Variants in MLEC observed in about 807,000 individuals in gnomAD.
The protein encoded by MLEC is malectin, also known as oligosaccharyltransferase complex subunit (non-catalytic).
MLEC carries 7 observed loss-of-function variants against 28.7 expected under a neutral mutation model. That is an observed-to-expected ratio of 0.24 (90% CI 0.14 to 0.46). MLEC has a LOEUF of 0.46. Among genes scored for constraint, MLEC ranks in the 20% least tolerant of loss-of-function variants. The probability of loss-of-function intolerance (pLI) is 0.99; values close to 1 mark genes in which losing one functional copy is unlikely to be tolerated. For synonymous variants in MLEC, 142 were observed against 164.4 expected, an observed-to-expected ratio of 0.86 and a Z score of 1.04; for missense variants, 237 against 391.1, an observed-to-expected ratio of 0.61 and a Z score of 3.32.
At chr12:120,688,088 C>T (rs538729780) in intron 1 of MLEC, among the ~76,000 whole-genome samples, 3 of 152,300 alleles carry the variant, frequency 2.0e-5, no homozygotes, top group Non-Finnish European at 1.5e-5. Context: ...CGGCAGGCCG[C>T]CCCCAGAGGG....
intron 1 of MLEC, among the ~76,000 whole-genome samples, chr12:120,688,136 G>A (rs1881898542): frequency 6.6e-6 from 1 of 152,228 alleles, no homozygotes; most frequent in African/African-American, 2.4e-5. Flanking sequence ...GAGGCTGGTG[G>A]CTGTGTGTGA....
Position 120,699,820 on chromosome 12 carries a change from A to G in MLEC, c.*3275A>G, listed in dbSNP as rs1223933461. 2 of 152,606 alleles carry G rather than the reference A, an allele frequency of 1.3e-5. No homozygotes were observed. Among genetic ancestry groups the G allele is most frequent in the Non-Finnish European group, 2.9e-5 (2 of 68,048 alleles). The allele number at this position is 152,606 out of a possible 1,614,324, so 9.5% of individuals were successfully genotyped here. ...AGCTACTGGGATCACGTTAGCGGGCATTTAGGCTTTGATGAGAGGGCACAG... is the reference window on the plus strand; with the variant it reads ...AGCTACTGGGATCACGTTAGCGGGCGTTTAGGCTTTGATGAGAGGGCACAG... On this transcript the variant is annotated 3_prime_UTR_variant, in exon 5 of 5. Transcript: ENST00000228506.
rs1335586866 is a variant in MLEC, at chr12:120,698,521, TG to T, written c.*1980del. The T allele has an allele frequency of 6.6e-6, 1 of 152,232 alleles. No individual in the cohort carries two copies. Among genetic ancestry groups the T allele is most frequent in the Non-Finnish European group, 1.5e-5 (1 of 68,058 alleles). The allele number at this position is 152,232 out of a possible 1,614,324, so 9.4% of individuals were successfully genotyped here. On this transcript the variant is annotated 3_prime_UTR_variant, in exon 5 of 5. Transcript: ENST00000228506. ...GCCTTGGTCCTGGGGACCACCTGCCTGGGGCAGTGGACATCCTAACTAAACA... is the reference window on the plus strand; with the variant it reads ...GCCTTGGTCCTGGGGACCACCTGCCTGGGCAGTGGACATCCTAACTAAACA...
rs980596094 is a variant in MLEC, at chr12:120,699,607, C to T, written c.*3062C>T. 1 of 152,210 alleles carries T rather than the reference C, an allele frequency of 6.6e-6. No individual in the cohort carries two copies. The highest frequency in any genetic ancestry group is 6.5e-5 in the Admixed American group (1 of 15,288). The allele number at this position is 152,210 out of a possible 1,614,324, so 9.4% of individuals were successfully genotyped here. ...TGGGATTTGTGTCCCTTAAACCAGA[C>T]TCACTTTTCTGAAAAATCTCCATTG... On this transcript the variant is annotated 3_prime_UTR_variant, in exon 5 of 5. Coordinates refer to ENST00000228506, the MANE Select transcript of MLEC (RefSeq NM_014730.4).
At chr12:120,691,825 C>T (rs747953773) in intron 1 of MLEC, among the ~76,000 whole-genome samples, 34 of 151,938 alleles carry the variant, frequency 2.2e-4, no homozygotes, top group African/African-American at 3.4e-4. Context: ...CCGCAGATTA[C>T]GTTACTGTCA....
intron 4 of MLEC, among the ~76,000 whole-genome samples, chr12:120,695,625 G>A (rs1566014440): frequency 6.6e-6 from 1 of 152,176 alleles, no homozygotes; most frequent in Non-Finnish European, 1.5e-5. Flanking sequence ...CTTATCCTTG[G>A]GATCAAGTCT....
Position 120,696,762 on chromosome 12 carries a change from G to A in MLEC, c.*217G>A. 6 of 637,002 alleles carry A rather than the reference G, an allele frequency of 9.4e-6. No homozygotes were observed. Among genetic ancestry groups the A allele is most frequent in the Non-Finnish European group, 1.6e-5 (6 of 380,062 alleles). 39.5% of individuals were successfully genotyped at this position (637,002 alleles called of 1,614,324 possible). Reference sequence around the variant, plus strand: ...GCTTCAGTCCTCGTCCTCTCTTTGTGGCTGGCTCCCAGCCTTCTCTTTCCT... The same window carrying A: ...GCTTCAGTCCTCGTCCTCTCTTTGTAGCTGGCTCCCAGCCTTCTCTTTCCT... On this transcript the variant is annotated 3_prime_UTR_variant, in exon 5 of 5. Coordinates refer to ENST00000228506, the MANE Select transcript of MLEC (RefSeq NM_014730.4). This position sits in a 1 kb window ranked among gnomAD's most constrained non-coding sequence, Gnocchi z 5.4.
rs1190309482 is a variant in MLEC at position 120,696,569 on chromosome 12, G to C, written c.*24G>C. 6.2e-7 allele frequency: 1 copy of C among 1,608,464 alleles called. No homozygotes were observed. Among genetic ancestry groups the C allele is most frequent in the Admixed American group, 1.7e-5 (1 of 59,162 alleles). On this transcript the variant is annotated 3_prime_UTR_variant, in exon 5 of 5. Transcript: ENST00000228506. The surrounding 1 kb of genome is among the most constrained non-coding windows in gnomAD (Gnocchi z 5.4). ...GAGAACAAATGACTATCCTGAACAG[G>C]GTGGAGGGGTGTGGGAAAGAAACCA...
intron 1 of MLEC, among the ~76,000 whole-genome samples, chr12:120,692,938 C>T (rs528809750): frequency 4.6e-5 from 7 of 152,090 alleles, no homozygotes; most frequent in African/African-American, 7.2e-5. Context: ...AAAAAAGATT[C>T]GGCCTGGCGC....
chr12:120,700,448 CTT>C lies in MLEC; in HGVS notation c.*3913_*3914del, dbSNP rs572243451. 2 of 147,254 alleles carry C rather than the reference CTT, an allele frequency of 1.4e-5. No homozygotes were observed. The highest frequency in any genetic ancestry group is 2.5e-5 in the African/African-American group (1 of 40,192). 9.1% of individuals were successfully genotyped at this position (147,254 alleles called of 1,614,324 possible). The stretch of plus-strand genomic sequence containing the variant: ...CAAAGTGAGAGACGAATCTTTCTTT[CTT>C]TTTTTTTTTAAAGGGCAGGATGGGT... On this transcript the variant is annotated 3_prime_UTR_variant, in exon 5 of 5. Transcript: ENST00000228506. The surrounding 1 kb of genome is among the most constrained non-coding windows in gnomAD (Gnocchi z 4.0).
rs992091809 is a variant in MLEC, at chr12:120,697,857, C to T, written c.*1312C>T. On this transcript the variant is annotated 3_prime_UTR_variant, in exon 5 of 5. Coordinates refer to ENST00000228506, the MANE Select transcript of MLEC (RefSeq NM_014730.4). The surrounding 1 kb of genome is among the most constrained non-coding windows in gnomAD (Gnocchi z 4.8). ...TCTTAATAGTATGCCCCTCCTTCCC[C>T]TGTCCTTTCATTTCTCTATCCAAGT... 1 of 152,220 alleles carries T rather than the reference C, an allele frequency of 6.6e-6. No homozygotes were observed. The highest frequency in any genetic ancestry group is 1.5e-5 in the Non-Finnish European group (1 of 68,066). The allele number at this position is 152,220 out of a possible 1,614,324, so 9.4% of individuals were successfully genotyped here.
At chr12:120,691,584 G>A (rs1882039038) in intron 1 of MLEC, among the ~76,000 whole-genome samples, 1 of 152,210 alleles carries the variant, frequency 6.6e-6, no homozygotes, top group African/African-American at 2.4e-5. Context: ...ACACTTCATT[G>A]TATTTTAGAG....
At chr12:120,692,507 G>A (rs956838335) in intron 1 of MLEC, among the ~76,000 whole-genome samples, 4 of 152,072 alleles carry the variant, frequency 2.6e-5, no homozygotes, top group Admixed American at 6.6e-5. Context: ...TGTCTCATCA[G>A]TCCCTCTGAT....
At chr12:120,695,342 A>T (rs930379076) in intron 4 of MLEC, among the ~76,000 whole-genome samples, 190 bp downstream of exon 4, 1 of 152,232 alleles carries the variant, frequency 6.6e-6, no homozygotes, top group African/African-American at 2.4e-5. Flanking sequence ...AGGTCTATGT[A>T]TATCTTGTTG....
chr12:120,690,422 A>G (rs1028130302), intron 1 of MLEC, among the ~76,000 whole-genome samples: 1 of 152,182 alleles, frequency 6.6e-6, no homozygotes, highest in African/African-American at 2.4e-5. Context: ...AGGGAAGGCT[A>G]TTTCCTCTTC....
In MLEC at chr12:120,699,781, C is replaced by T. The variant is rs1357379793; in HGVS notation, c.*3236C>T. 1 of 152,638 alleles carries T rather than the reference C, an allele frequency of 6.6e-6. No individual in the cohort carries two copies. Among genetic ancestry groups the T allele is most frequent in the Admixed American group, 6.5e-5 (1 of 15,286 alleles). 9.5% of individuals were successfully genotyped at this position (152,638 alleles called of 1,614,324 possible). A position where few individuals can be genotyped will look rare whatever the true frequency, so the allele number is the denominator to read the frequency against. On this transcript the variant is annotated 3_prime_UTR_variant, in exon 5 of 5. Coordinates refer to ENST00000228506, the MANE Select transcript of MLEC (RefSeq NM_014730.4). Reference sequence around the variant, plus strand: ...TGAGAGCGTGTTCGTGTTCTCTTGCCCTCCCTGCCTAAGAGCTACTGGGAT... The same window carrying T: ...TGAGAGCGTGTTCGTGTTCTCTTGCTCTCCCTGCCTAAGAGCTACTGGGAT...
In MLEC at chr12:120,697,049, T is replaced by TA. The variant is rs1376259438; in HGVS notation, c.*514dup. On this transcript the variant is annotated 3_prime_UTR_variant, in exon 5 of 5. Coordinates refer to ENST00000228506, the MANE Select transcript of MLEC (RefSeq NM_014730.4). This position sits in a 1 kb window ranked among gnomAD's most constrained non-coding sequence, Gnocchi z 4.8. ...GGGTAGAATTTGTGCGGTAAAGACT[T>TA]AAAAAAAAAAGTAGGGAGATTAAAA... The TA allele has an allele frequency of 8.8e-5, 13 of 148,482 alleles. No individual in the cohort carries two copies. The highest frequency in any genetic ancestry group is 1.3e-4 in the Non-Finnish European group (9 of 67,046). The allele number at this position is 148,482 out of a possible 1,614,324, so 9.2% of individuals were successfully genotyped here.
At chr12:120,688,802 T>C (rs1881926152) in intron 1 of MLEC, among the ~76,000 whole-genome samples, 1 of 152,262 alleles carries the variant, frequency 6.6e-6, no homozygotes, top group Non-Finnish European at 1.5e-5. Context: ...TATGTTTGTC[T>C]TGGAGTTTGT....
rs754865654 is a variant in MLEC, at chr12:120,696,359, AGAG to A, written c.696_698del (p.Glu238del). On this transcript the variant is annotated inframe_deletion, in exon 5 of 5. Transcript: ENST00000228506. This position sits in a 1 kb window ranked among gnomAD's most constrained non-coding sequence, Gnocchi z 5.4. ...CTCATCCGGGATTGGAGAAGAAAGA[AGAG>A]GAAGAAGAAGAAGAAGAATATGATG... is the stretch of plus-strand genomic sequence containing the variant. 2 of 1,614,226 alleles carry A rather than the reference AGAG, an allele frequency of 1.2e-6. No homozygotes were observed. Among genetic ancestry groups the A allele is most frequent in the Non-Finnish European group, 1.7e-6 (2 of 1,180,038 alleles).
Sources: gnomAD v4.1 joint callset for allele counts (sites outside exome capture counted in the v4.1 genomes callset) on GRCh38, gnomAD v4.1.1 for gene constraint, Gnocchi (gnomAD v3.1) non-coding constraint, MANE v1.5 for transcripts, NCBI Gene and HGNC (gene_info 2026-07-23, HGNC 2026-07-21) for gene names.